Variants in PRXL2C observed in about 807,000 individuals in gnomAD.
PRXL2C encodes the protein peroxiredoxin like 2C.
PRXL2C carries 38 observed loss-of-function variants against 24.9 expected under a neutral mutation model. That is an observed-to-expected ratio of 1.53 (90% CI 1.18 to 2.00). The LOEUF is 2.00. Among genes scored for constraint, PRXL2C ranks in the 30% most tolerant of loss-of-function variants. PRXL2C has a pLI of 0.00. For synonymous variants in PRXL2C, 98 were observed against 117.2 expected (o/e 0.84, Z 1.06); for missense variants, 294 against 290.9 (o/e 1.01, Z -0.08).
chr9:96,644,534 G>A (rs1848164003), intron 5 of PRXL2C, among the ~76,000 whole-genome samples: 1 of 152,140 alleles, frequency 6.6e-6, no homozygotes. Context: ...CACCCAGGCT[G>A]GAGTGCAGTG....
At chr9:96,642,593 T>C (rs548168017) in intron 5 of PRXL2C, among the ~76,000 whole-genome samples, 257 of 151,328 alleles carry the variant, frequency 1.7e-3, no homozygotes, top group Non-Finnish European at 1.3e-3. Flanking sequence ...GTCGCCAGGC[T>C]GGAGTGCAGT....
At position 96,645,952 on chromosome 9, in the gene PRXL2C, G is replaced by C. The variant is rs748777372; in HGVS notation, c.494C>G (p.Pro165Arg). ...LQSLWRAVTG[P>R]LFDFQGDPAQ... ...TGGGTCTCCTTGAAAATCAAAGAGA[G>C]GGCCAGTCACTGCCCGCCACAGGCT... Residue 165 changes from proline (P) to arginine (R), a missense_variant, in exon 5 of 6, where the codon CCT becomes CGT. By Grantham distance (103) the Pro-to-Arg change is moderately radical. Coordinates refer to ENST00000375234, the MANE Select transcript of PRXL2C (RefSeq NM_153698.2). 5.0e-6 allele frequency: 8 copies of C among 1,613,694 alleles called. No homozygotes were observed. The East Asian group carries it at 1.8e-4, about 36-fold the overall frequency.
chr9:96,641,925 T>G, intron 5 of PRXL2C, 39 bp from the exon 6 acceptor site: 1 of 1,406,938 alleles, frequency 7.1e-7, no homozygotes, highest in East Asian at 2.5e-5. Context: ...GGCATAGTAT[T>G]ATTCATCAGA....
chr9:96,647,697 T>A (rs1357615806), intron 4 of PRXL2C, among the ~76,000 whole-genome samples: 3 of 151,766 alleles, frequency 2.0e-5, no homozygotes, highest in East Asian at 1.9e-4. Context: ...TAATTAAAAA[T>A]TTTTTTTTGT....
At chr9:96,646,646 A>C (rs1326181433) in intron 4 of PRXL2C, among the ~76,000 whole-genome samples, 1 of 152,178 alleles carries the variant, frequency 6.6e-6, no homozygotes, top group Admixed American at 6.6e-5. Flanking sequence ...TTCCAGGCCA[A>C]GCTCCTCCCA....
rs1404737516 is a variant in PRXL2C, at chr9:96,651,453, C to T, written c.358G>A (p.Asp120Asn). Residue 120 changes from aspartate (D) to asparagine (N), a missense_variant, in exon 4 of 6, where the codon GAT becomes AAT. Asp to Asn is a conservative substitution (Grantham distance 23). Coordinates refer to ENST00000375234, the MANE Select transcript of PRXL2C (RefSeq NM_153698.2). ...CTTTTATAAATTTCTCTCTCAGGAT[C>T]GACATAGATTTCATGAGAATATCCA... Reference protein sequence around the residue: ...LTGYSHEIYVDPEREIYKRLG... With the variant: ...LTGYSHEIYVNPEREIYKRLG... 15 of 1,612,974 alleles carry T rather than the reference C, an allele frequency of 9.3e-6. No homozygotes were observed. The highest frequency in any genetic ancestry group is 1.2e-5 in the Non-Finnish European group (14 of 1,179,808).
At position 96,655,094 on chromosome 9, in the gene PRXL2C, A is replaced by T; in HGVS notation, c.188T>A (p.Val63Glu). Reference sequence around the variant, plus strand: ...CCAGCCCCGCCGCCCGCTCACCCGCACGAACACCACCACGGCGCGGCGCTC... The same window carrying T: ...CCAGCCCCGCCGCCCGCTCACCCGCTCGAACACCACCACGGCGCGGCGCTC... ...FRERRAVVVF[V>E]RHFLCYICKE... The change falls in exon 1 of 6, where the codon GTG (valine) becomes GAG (glutamate). Residue 63 changes from valine (V) to glutamate (E), a missense_variant. Val to Glu is a moderately radical substitution (Grantham distance 121). Transcript: ENST00000375234. 6.9e-7 allele frequency: 1 copy of T among 1,452,724 alleles called. No homozygotes were observed. The highest frequency in any genetic ancestry group is 9.0e-7 in the Non-Finnish European group (1 of 1,108,246). 90.0% of individuals were successfully genotyped at this position (1,452,724 alleles called of 1,614,324 possible).
intron 4 of PRXL2C, among the ~76,000 whole-genome samples, chr9:96,647,787 C>G (rs555080425): frequency 2.0e-5 from 3 of 152,262 alleles, no homozygotes; most frequent in African/African-American, 7.2e-5. Context: ...CTCCGCCTCC[C>G]AAAGTGCTGG....
At chr9:96,647,742 G>A (rs1207512224) in intron 4 of PRXL2C, among the ~76,000 whole-genome samples, 4 of 151,964 alleles carry the variant, frequency 2.6e-5, no homozygotes, top group African/African-American at 7.3e-5. Context: ...TGCCCAGGCC[G>A]GTCTCAAATT....
intron 5 of PRXL2C, among the ~76,000 whole-genome samples, chr9:96,643,263 G>T (rs978591148): frequency 6.6e-6 from 1 of 151,964 alleles, no homozygotes; most frequent in African/African-American, 2.4e-5. Flanking sequence ...ATTTATTTTT[G>T]GGGGCAGTGT....
intron 2 of PRXL2C, among the ~76,000 whole-genome samples, chr9:96,652,850 C>T (rs768624337): frequency 6.6e-6 from 1 of 152,196 alleles, no homozygotes; most frequent in Non-Finnish European, 1.5e-5. Context: ...GAGATATCTG[C>T]ACTCCCATGT....
chr9:96,646,082 G>A, intron 4 of PRXL2C, 58 bp from the exon 5 acceptor site: 3 of 1,483,270 alleles, frequency 2.0e-6, no homozygotes, highest in Non-Finnish European at 2.7e-6. Flanking sequence ...ATATTAAGAA[G>A]ATAATGTATT....
rs775677960 is a variant in PRXL2C at position 96,651,513 on chromosome 9, T to C, written c.316-18A>G. 1.7e-5 allele frequency: 27 copies of C among 1,598,766 alleles called. No individual in the cohort carries two copies. In the South Asian group the frequency reaches 2.5e-4, roughly 15 times the overall value. The stretch of plus-strand genomic sequence containing the variant: ...CAAAAAGGCTGAAAAGAGAGAATGG[T>C]TGGAATTTTTACAAGAACAAATGAG... On this transcript the variant is annotated intron_variant, in intron 3 of 5. Coordinates refer to ENST00000375234, the MANE Select transcript of PRXL2C (RefSeq NM_153698.2).
intron 2 of PRXL2C, among the ~76,000 whole-genome samples, chr9:96,653,175 TG>T (rs1341702569): frequency 6.7e-6 from 1 of 149,262 alleles, no homozygotes; most frequent in East Asian, 2.0e-4. Flanking sequence ...TGCAGTGAGC[TG>T]AGATCGCGCC....
At chr9:96,642,647 G>A (rs1316807117) in intron 5 of PRXL2C, among the ~76,000 whole-genome samples, 1 of 151,314 alleles carries the variant, frequency 6.6e-6, no homozygotes, top group East Asian at 1.9e-4. Flanking sequence ...CTGGGTTCAA[G>A]CGATTCTCTT....
At position 96,655,308 on chromosome 9, in the gene PRXL2C, C is replaced by T; in HGVS notation, c.-27G>A. On this transcript the variant is annotated 5_prime_UTR_variant, in exon 1 of 6. Transcript: ENST00000375234. ...ACGCGGGGCGGCCGAGGGCCTGGGT[C>T]CGCTCTGTCAGCGCGGACCGGGGCG... The T allele has an allele frequency of 9.6e-7, 1 of 1,039,708 alleles. No individual in the cohort carries two copies. The highest frequency in any genetic ancestry group is 1.2e-6 in the Non-Finnish European group (1 of 865,902). 64.4% of individuals were successfully genotyped at this position (1,039,708 alleles called of 1,614,324 possible).
chr9:96,642,649 G>T (rs183885087), intron 5 of PRXL2C, among the ~76,000 whole-genome samples: 12 of 151,552 alleles, frequency 7.9e-5, no homozygotes, highest in African/African-American at 2.9e-4. Flanking sequence ...GGGTTCAAGC[G>T]ATTCTCTTGC....
chr9:96,655,058 G>A (rs1376639405), intron 1 of PRXL2C, 32 bp downstream of exon 1: 20 of 1,458,354 alleles, frequency 1.4e-5, no homozygotes, highest in Non-Finnish European at 1.8e-5. Flanking sequence ...ACCCTGGGCC[G>A]CGCTTCCCTT....
chr9:96,645,489 GC>G (rs1392089059), intron 5 of PRXL2C, among the ~76,000 whole-genome samples: 1 of 152,002 alleles, frequency 6.6e-6, no homozygotes. Context: ...CAGGGTGTCT[GC>G]TTTATGAAGA....
Sources: allele counts gnomAD v4.1 joint callset (sites outside exome capture counted in the v4.1 genomes callset), GRCh38; gene constraint gnomAD v4.1.1; transcripts MANE v1.5; gene names NCBI Gene and HGNC (gene_info 2026-07-23, HGNC 2026-07-21).